The following MED12L variants were observed in gnomAD, a reference collection of about 807,000 sequenced individuals.
MED12L encodes mediator of RNA polymerase II transcription subunit 12-like protein.
A neutral mutation model predicts 281.3 loss-of-function variants in MED12L; 60 were observed. The ratio of observed to expected loss-of-function variants is 0.21; its 90% CI spans 0.17 to 0.26. The LOEUF is 0.26. Among genes scored for constraint, MED12L ranks in the 10% least tolerant of loss-of-function variants. The pLI is 1.00. For synonymous variants in MED12L, 974 were observed against 987.2 expected (o/e 0.99, Z 0.25); for missense variants, 2,146 against 2,680.9 (o/e 0.80, Z 4.41).
At chr3:151,213,119 G>A (rs1042746057) in intron 16 of MED12L, 13 of 503,582 alleles carry the variant, frequency 2.6e-5, no homozygotes, top group Non-Finnish European at 4.5e-5. Context: ...TTACTGATGG[G>A]TATGTTTTCT....
chr3:151,159,752 A>G, intron 7 of MED12L, 80 bp from the exon 8 acceptor site: 1 of 1,350,560 alleles, frequency 7.4e-7, no homozygotes, highest in East Asian at 2.3e-5. Context: ...TTTTTAAATG[A>G]AAAAAAGTCT....
chr3:151,392,296 T>C (rs1287127273), intron 38 of MED12L, among the ~76,000 whole-genome samples: 6 of 151,532 alleles, frequency 4.0e-5, no homozygotes, highest in African/African-American at 7.3e-5. Flanking sequence ...AAACCCCGTA[T>C]CTACTAAAAA....
chr3:151,366,738 A>G (rs529976228), intron 23 of MED12L, among the ~76,000 whole-genome samples: 6 of 152,256 alleles, frequency 3.9e-5, no homozygotes, highest in Non-Finnish European at 7.4e-5. Context: ...GGATAATCCT[A>G]TCTCTATATC....
chr3:151,152,085 G>GCTT (rs1269821388), intron 5 of MED12L, among the ~76,000 whole-genome samples: 36 of 63,020 alleles, frequency 5.7e-4, no homozygotes, highest in African/African-American at 2.1e-3. Context: ...GTTGAAGGTG[G>GCTT]TTTTTTTTTT....
intron 16 of MED12L, chr3:151,327,756 A>G (rs1459270402): frequency 2.8e-6 from 1 of 363,090 alleles, no homozygotes. Context: ...AAAAGAAAGA[A>G]AGAAATAATG....
At position 151,357,208 on chromosome 3, in the gene MED12L, T is replaced by TA. The variant is rs1232103104; in HGVS notation, c.2662-4dup. 8.8e-6 allele frequency: 14 copies of TA among 1,589,508 alleles called. No individual in the cohort carries two copies. The highest frequency in any genetic ancestry group is 1.4e-5 in the African/African-American group (1 of 74,002). Reference sequence around the variant, plus strand: ...ATGTTTATTCAGTCTTTTCTCCTGTTACAGTTACTAAATGAACTGAGTGTT... The same window carrying TA: ...ATGTTTATTCAGTCTTTTCTCCTGTTAACAGTTACTAAATGAACTGAGTGTT... On this transcript the variant is annotated splice_polypyrimidine_tract_variant and splice_region_variant and intron_variant, in intron 19 of 44. Coordinates refer to ENST00000687756, the MANE Select transcript of MED12L (RefSeq NM_001393769.1).
intron 16 of MED12L, among the ~76,000 whole-genome samples, chr3:151,259,898 G>A (rs1046033673): frequency 6.6e-6 from 1 of 152,130 alleles, no homozygotes; most frequent in Non-Finnish European, 1.5e-5. Context: ...ATCCTGTTCT[G>A]TCCTTTCTGT....
At chr3:151,118,436 C>T (rs1054697743) in intron 3 of MED12L, among the ~76,000 whole-genome samples, 2 of 152,044 alleles carry the variant, frequency 1.3e-5, no homozygotes, top group Non-Finnish European at 1.5e-5. Context: ...TGACTAAACA[C>T]GTTTTTAGTT....
At position 151,394,660 on chromosome 3, in the gene MED12L, C is replaced by T; in HGVS notation, c.5613C>T (p.Gly1871=). 6.2e-7 allele frequency: 1 copy of T among 1,614,228 alleles called. No individual in the cohort carries two copies. ...TCCTTTTGGTTGCTTTTGTAGGTGG[C>T]TCCAGATTGGACCCTGCAGGCTCCT... The part of the protein sequence containing the change: ...FLQNQSLTPG[G]SRLDPAGSFV... The change falls in exon 39 of 45, where the codon GGC becomes GGT. Residue 1871 remains glycine (G), a synonymous_variant. Coordinates refer to ENST00000687756, the MANE Select transcript of MED12L (RefSeq NM_001393769.1).
intron 20 of MED12L, among the ~76,000 whole-genome samples, chr3:151,360,143 G>A (rs1455978496): frequency 1.3e-5 from 2 of 152,218 alleles, no homozygotes; most frequent in South Asian, 2.1e-4. Context: ...CGGAGGCAGG[G>A]GCTCTCTACA....
chr3:151,270,094 G>A, intron 16 of MED12L: 1 of 225,856 alleles, frequency 4.4e-6, no homozygotes, highest in South Asian at 5.9e-5. Flanking sequence ...AGATGATGAT[G>A]AAAGGGAGGA....
rs189346471 is a variant in MED12L at position 151,400,042 on chromosome 3, G to T, written c.5820+5175G>T. 2.9e-4 allele frequency among the ~76,000 whole-genome samples: 44 copies of T among 152,226 alleles called. 1 individual carries two copies. The East Asian group carries it at 8.5e-3, about 29-fold the overall frequency. On this transcript the variant is annotated intron_variant, in intron 39 of 44. Coordinates refer to ENST00000687756, the MANE Select transcript of MED12L (RefSeq NM_001393769.1). ...GTGTTTTACCATGTTGGCCAGGCTG[G>T]TCTCGAACTCCTGACCTCAGGTGAT...
chr3:151,289,944 G>C (rs975914648), intron 16 of MED12L, among the ~76,000 whole-genome samples: 1 of 151,480 alleles, frequency 6.6e-6, no homozygotes, highest in South Asian at 2.1e-4. Context: ...GCAGTGGTGC[G>C]ATCTCGGATC....
rs367880873 is a variant in MED12L at position 151,183,231 on chromosome 3, G to A, written c.1495-2099G>A. Among the ~76,000 whole-genome samples the A allele has an allele frequency of 2.6e-5, 4 of 152,100 alleles. No homozygotes were observed. The South Asian group carries it at 8.3e-4, about 32-fold the overall frequency. ...TAGTTAACAGTGTGACTATATGAAG[G>A]TTCAAGACCATGCCTCTCGTAAAAC... On this transcript the variant is annotated intron_variant, in intron 11 of 44. Coordinates refer to ENST00000687756, the MANE Select transcript of MED12L (RefSeq NM_001393769.1).
At chr3:151,294,772 C>G (rs200415560) in intron 16 of MED12L, 37 of 1,614,002 alleles carry the variant, frequency 2.3e-5, no homozygotes, top group Non-Finnish European at 3.1e-5. Flanking sequence ...ATAAAACCTT[C>G]GTGAAGGTTA....
chr3:151,270,568 C>A (rs974298624), intron 16 of MED12L, among the ~76,000 whole-genome samples: 1 of 152,016 alleles, frequency 6.6e-6, no homozygotes, highest in African/African-American at 2.4e-5. Context: ...TGTGTCTCTG[C>A]GTGAATATGG....
At chr3:151,282,049 A>G (rs781002663) in intron 16 of MED12L, among the ~76,000 whole-genome samples, 2 of 152,122 alleles carry the variant, frequency 1.3e-5, no homozygotes, top group East Asian at 3.9e-4. Context: ...GTCTTTTGAA[A>G]TCATTTTTCT....
chr3:151,191,390 C>T (rs1478821440), intron 14 of MED12L, among the ~76,000 whole-genome samples: 2 of 152,186 alleles, frequency 1.3e-5, no homozygotes, highest in Non-Finnish European at 1.5e-5. Flanking sequence ...CACATATTTT[C>T]ATTTCAGTTA....
At chr3:151,106,397 T>C (rs13434276) in intron 2 of MED12L, among the ~76,000 whole-genome samples, 62,260 of 139,456 alleles carry the variant, frequency 0.45, 15,546 homozygotes, top group African/African-American at 0.71. Flanking sequence ...TAATATGAAA[T>C]TCCTGGTCTC....
Sources: gnomAD v4.1 joint callset for allele counts (sites outside exome capture counted in the v4.1 genomes callset) on GRCh38, gnomAD v4.1.1 for gene constraint, MANE v1.5 for transcripts, NCBI Gene and HGNC (gene_info 2026-07-23, HGNC 2026-07-21) for gene names.